Variants in COG2 observed in about 807,000 individuals in gnomAD.
The protein encoded by COG2 is conserved oligomeric Golgi complex subunit 2.
A neutral mutation model predicts 90.6 loss-of-function variants in COG2; 52 were observed. The ratio of observed to expected loss-of-function variants is 0.57; its 90% CI spans 0.46 to 0.72. COG2 has a LOEUF of 0.72. Among genes scored for constraint, COG2 ranks in the 30% least tolerant of loss-of-function variants. The probability of loss-of-function intolerance (pLI) is 0.00; values close to 1 mark genes in which losing one functional copy is unlikely to be tolerated. For missense variants in COG2, 829 were observed against 891.2 expected, an observed-to-expected ratio of 0.93 and a Z score of 0.89; for synonymous variants, 337 against 320.4, an observed-to-expected ratio of 1.05 and a Z score of -0.55.
intron 5 of COG2, among the ~76,000 whole-genome samples, chr1:230,665,427 C>T (rs1238428888): frequency 6.6e-6 from 1 of 152,128 alleles, no homozygotes; most frequent in East Asian, 1.9e-4. Flanking sequence ...ATGGGATAAG[C>T]TACAGGAAAA....
At chr1:230,679,197 G>C in intron 10 of COG2, 145 bp downstream of exon 10, 1 of 758,848 alleles carries the variant, frequency 1.3e-6, no homozygotes, top group East Asian at 2.7e-5. Context: ...TGGAGAAAGA[G>C]ATATAAGAAG....
chr1:230,669,443 C>G lies in COG2; in HGVS notation c.682C>G (p.Arg228Gly). The G allele has an allele frequency of 5.0e-6, 8 of 1,614,064 alleles. No homozygotes were observed. Among genetic ancestry groups the G allele is most frequent in the Non-Finnish European group, 6.8e-6 (8 of 1,179,974 alleles). Residue 228 changes from arginine to glycine, a missense_variant, in exon 7 of 18, where the codon CGG (arginine) becomes GGG (glycine). Transcript: ENST00000366669. ...TCAGACGTCTGACGTCGATATAATA[C>G]GGCACTGCTTGCGGACTTACGCCAC... ...GLQTSDVDII[R>G]HCLRTYATID...
At chr1:230,691,670 T>A in intron 17 of COG2, 106 bp downstream of exon 17, 1 of 1,052,386 alleles carries the variant, frequency 9.5e-7, no homozygotes, top group South Asian at 1.6e-5. Flanking sequence ...TCGCAGTGGC[T>A]AGGGAATTGC....
chr1:230,687,043 A>G lies in COG2; in HGVS notation c.1489A>G (p.Ser497Gly). 6.2e-7 allele frequency: 1 copy of G among 1,612,790 alleles called. No homozygotes were observed. Among genetic ancestry groups the G allele is most frequent in the Non-Finnish European group, 8.5e-7 (1 of 1,179,252 alleles). Reference protein sequence around the residue: ...ITQGNTEDQGSGPSETKPVVS... With the variant: ...ITQGNTEDQGGGPSETKPVVS... ...CCAAGGAAACACTGAAGACCAAGGA[A>G]GTGGTCCTTCGGAAACAAAGCCTGT... Residue 497 changes from serine to glycine, a missense_variant, in exon 13 of 18, where the codon AGT (serine) becomes GGT (glycine). Ser to Gly is a moderately conservative substitution (Grantham distance 56). Coordinates refer to ENST00000366669, the MANE Select transcript of COG2 (RefSeq NM_007357.3).
intron 10 of COG2, chr1:230,682,293 GTTT>G (rs1662768673): frequency 6.6e-6 from 1 of 152,194 alleles, no homozygotes; most frequent in Non-Finnish European, 1.5e-5. Flanking sequence ...CTAGGTGCTG[GTTT>G]GCTCTCCCAG....
intron 9 of COG2, among the ~76,000 whole-genome samples, chr1:230,676,007 A>T (rs1358753430): frequency 6.6e-6 from 1 of 151,712 alleles, no homozygotes; most frequent in Admixed American, 6.6e-5. Flanking sequence ...AAAAGATTTC[A>T]TGGTTAGGAT....
At chr1:230,647,326 C>T (rs759962893) in intron 1 of COG2, among the ~76,000 whole-genome samples, 3 of 152,044 alleles carry the variant, frequency 2.0e-5, no homozygotes, top group Admixed American at 2.0e-4. Flanking sequence ...TAAGGGGACC[C>T]CTTACTGTAG....
Position 230,659,513 on chromosome 1 carries a change from A to C in COG2, c.122A>C (p.Gln41Pro), listed in dbSNP as rs751645817. The C allele has an allele frequency of 1.1e-5, 17 of 1,614,062 alleles. No homozygotes were observed. The South Asian group carries it at 1.9e-4, about 18-fold the overall frequency. Residue 41 changes from glutamine (Q) to proline (P), a missense_variant, in exon 2 of 18, where the codon CAG (glutamine) becomes CCG (proline). Physicochemically the swap from Gln to Pro is moderately conservative, Grantham distance 76. Coordinates refer to ENST00000366669, the MANE Select transcript of COG2 (RefSeq NM_007357.3). ...GTGTCTGACTGTAGGAAGCGGGTCC[A>C]GCTGGAAGAACTGAGAGATGACCTG... ...HFVSDCRKRV[Q>P]LEELRDDLEL...
chr1:230,657,328 T>A (rs1409567344), intron 1 of COG2, among the ~76,000 whole-genome samples: 3 of 152,216 alleles, frequency 2.0e-5, no homozygotes, highest in East Asian at 3.8e-4. Context: ...CTTATGAAGC[T>A]TAGTTTGGCT....
chr1:230,648,636 T>C (rs1447154477), intron 1 of COG2, among the ~76,000 whole-genome samples: 1 of 152,242 alleles, frequency 6.6e-6, no homozygotes, highest in Non-Finnish European at 1.5e-5. Flanking sequence ...TAAAATGTAT[T>C]ACTTGAATAA....
chr1:230,675,179 A>C (rs1251735921), intron 9 of COG2, 55 bp downstream of exon 9: 3 of 1,569,210 alleles, frequency 1.9e-6, no homozygotes, highest in Non-Finnish European at 2.6e-6. Flanking sequence ...AGACTGGAGA[A>C]ATATCATGTT....
chr1:230,680,143 A>G (rs1404091141), intron 10 of COG2: 1 of 152,240 alleles, frequency 6.6e-6, no homozygotes, highest in African/African-American at 2.4e-5. Flanking sequence ...TAGTTGGTAT[A>G]TGATAATCAA....
chr1:230,690,501 A>G (rs1425566423), intron 16 of COG2, among the ~76,000 whole-genome samples: 1 of 152,202 alleles, frequency 6.6e-6, no homozygotes, highest in Non-Finnish European at 1.5e-5. Flanking sequence ...TGTCAGTCCA[A>G]AGTGGCTCTA....
chr1:230,678,692 T>G (rs1226916513), intron 9 of COG2: 2 of 1,451,236 alleles, frequency 1.4e-6, no homozygotes, highest in Non-Finnish European at 1.8e-6. Context: ...CAGATGGGCT[T>G]TGCCATGGAA....
At chr1:230,659,936 A>G (rs1050918861) in intron 2 of COG2, among the ~76,000 whole-genome samples, 5 of 152,224 alleles carry the variant, frequency 3.3e-5, no homozygotes, top group African/African-American at 9.6e-5. Context: ...GTTTAGACCA[A>G]TTTGCAAGAG....
rs116236519 is a variant in COG2, at chr1:230,679,438, T to C, written c.1166+386T>C. Reference sequence around the variant, plus strand: ...CCTCAAATAATGAACCTGTCTCACATCTGTTTTTGCTCGTCTGAGATACTT... The same window carrying C: ...CCTCAAATAATGAACCTGTCTCACACCTGTTTTTGCTCGTCTGAGATACTT... On this transcript the variant is annotated intron_variant, in intron 10 of 17. Transcript: ENST00000366669. The C allele has an allele frequency of 8.0e-3, 1,252 of 156,618 alleles. 10 individuals carry two copies. The highest frequency in any genetic ancestry group is 0.019 in the Middle Eastern group (6 of 308). The allele number at this position is 156,618 out of a possible 1,614,324, so 9.7% of individuals were successfully genotyped here. A position where few individuals can be genotyped will look rare whatever the true frequency, so the allele number is the denominator to read the frequency against.
intron 10 of COG2, chr1:230,681,951 T>A (rs1425100560): frequency 6.8e-6 from 1 of 147,184 alleles, no homozygotes; most frequent in Admixed American, 6.8e-5. Flanking sequence ...CTGCATTTCT[T>A]TGGTCCTTTT....
At chr1:230,687,589 A>G (rs893710175) in intron 13 of COG2, among the ~76,000 whole-genome samples, 9 of 152,344 alleles carry the variant, frequency 5.9e-5, no homozygotes, top group East Asian at 1.9e-4. Flanking sequence ...CTAAAATATT[A>G]AAACTTCTTC....
chr1:230,663,409 GTATT>G (rs1662239238), intron 4 of COG2, among the ~76,000 whole-genome samples, 188 bp downstream of exon 4: 1 of 151,998 alleles, frequency 6.6e-6, no homozygotes, highest in Non-Finnish European at 1.5e-5. Context: ...ATGTATTTAT[GTATT>G]TATTTTTCTT....
Sources: allele counts gnomAD v4.1 joint callset (sites outside exome capture counted in the v4.1 genomes callset), GRCh38; gene constraint gnomAD v4.1.1; transcripts MANE v1.5; gene names NCBI Gene and HGNC (gene_info 2026-07-23, HGNC 2026-07-21).